The following SPTBN4 variants were observed in gnomAD, a reference collection of about 807,000 sequenced individuals.
SPTBN4 encodes the protein spectrin beta chain, non-erythrocytic 4.
A neutral mutation model predicts 277.8 loss-of-function variants in SPTBN4; 96 were observed. That is an observed-to-expected ratio of 0.35 (90% CI 0.29 to 0.41). The LOEUF is 0.41. Ranked by LOEUF, SPTBN4 falls within the 10% of genes least tolerant of loss-of-function variation. The probability of loss-of-function intolerance (pLI) is 1.00; values close to 1 mark genes in which losing one functional copy is unlikely to be tolerated. For synonymous variants in SPTBN4, 1,481 were observed against 1,580.3 expected (o/e 0.94, Z 1.49); for missense variants, 3,006 against 3,595.7 (o/e 0.84, Z 4.19).
intron 2 of SPTBN4, among the ~76,000 whole-genome samples, chr19:40,484,407 C>G (rs2080045815): frequency 6.6e-6 from 1 of 152,156 alleles, no homozygotes; most frequent in Non-Finnish European, 1.5e-5. Flanking sequence ...AAGCTGCCAA[C>G]AAATCGACTT....
At chr19:40,468,027 A>C (rs146710962) in intron 1 of SPTBN4, among the ~76,000 whole-genome samples, 1 of 152,130 alleles carries the variant, frequency 6.6e-6, no homozygotes, top group Admixed American at 6.6e-5. Flanking sequence ...TGATCCCTGC[A>C]TTAATAACTT....
intron 20 of SPTBN4, among the ~76,000 whole-genome samples, chr19:40,544,188 G>A (rs2080831686): frequency 6.8e-6 from 1 of 146,438 alleles, no homozygotes; most frequent in Non-Finnish European, 1.5e-5. Context: ...TTTTGCCAAA[G>A]CCGGAGCGCA....
chr19:40,549,832 G>T (rs1003358074), intron 21 of SPTBN4, among the ~76,000 whole-genome samples: 5 of 152,208 alleles, frequency 3.3e-5, no homozygotes, highest in African/African-American at 1.2e-4. Context: ...TGCCCCAGAG[G>T]GTTCAGAGTC....
At position 40,571,990 on chromosome 19, in the gene SPTBN4, CTGCCTTGAGCCCCA is replaced by C. The variant is rs1232323997; in HGVS notation, c.7320-27_7320-14del. ...AGTTATTAGGCAGAGTGCTGCGGCT[CTGCCTTGAGCCCCA>C]TCTTGTCGCTCCAGGTCGTGGGTGA... On this transcript the variant is annotated splice_polypyrimidine_tract_variant and intron_variant, in intron 33 of 35. Transcript: ENST00000598249. 6.6e-6 allele frequency: 10 copies of C among 1,518,744 alleles called. No homozygotes were observed. The highest frequency in any genetic ancestry group is 8.8e-6 in the Non-Finnish European group (10 of 1,132,828). 94.1% of individuals were successfully genotyped at this position (1,518,744 alleles called of 1,614,324 possible). A position where few individuals can be genotyped will look rare whatever the true frequency, so the allele number is the denominator to read the frequency against.
chr19:40,570,328 C>T (rs917738066), intron 32 of SPTBN4, 108 bp from the exon 33 acceptor site: 2 of 630,908 alleles, frequency 3.2e-6, no homozygotes, highest in Admixed American at 7.8e-5. Flanking sequence ...GCCTCCGAGA[C>T]AAATGGCCCT....
intron 20 of SPTBN4, among the ~76,000 whole-genome samples, chr19:40,535,122 C>T (rs2080720470): frequency 6.6e-6 from 1 of 152,170 alleles, no homozygotes; most frequent in Admixed American, 6.6e-5. Flanking sequence ...GTGGCTTGAT[C>T]TCAGTCCATT....
In SPTBN4 at chr19:40,472,743, CCGCAGCGGCCTCG is replaced by C; in HGVS notation, c.124_136del (p.Ala42SerfsTer26). On this transcript the variant is annotated frameshift_variant, in exon 2 of 36. Coordinates refer to ENST00000598249, the MANE Select transcript of SPTBN4 (RefSeq NM_020971.3). LOFTEE classifies it high-confidence loss of function. ...GAGCGGGAGCAGCCGGCTGCGTCCA[CCGCAGCGGCCTCG>C]CTCTTTGAGTGCTCCCGGATCAAGG... 1.9e-6 allele frequency: 3 copies of C among 1,605,162 alleles called. No homozygotes were observed. The highest frequency in any genetic ancestry group is 2.6e-6 in the Non-Finnish European group (3 of 1,175,670).
intron 2 of SPTBN4, 123 bp from the exon 3 acceptor site, chr19:40,487,574 A>G (rs2145823501): frequency 1.6e-6 from 2 of 1,275,350 alleles, no homozygotes; most frequent in East Asian, 5.3e-5. Flanking sequence ...TCGAACTCCT[A>G]CCTCAGGTGA....
chr19:40,472,896 A>T lies in SPTBN4; in HGVS notation c.169+106A>T, dbSNP rs767169219. 1.3e-5 allele frequency: 15 copies of T among 1,156,430 alleles called. No individual in the cohort carries two copies. In the Admixed American group the frequency reaches 2.8e-4, roughly 22 times the overall value. The allele number at this position is 1,156,430 out of a possible 1,614,324, so 71.6% of individuals were successfully genotyped here. On this transcript the variant is annotated intron_variant, in intron 2 of 35. Coordinates refer to ENST00000598249, the MANE Select transcript of SPTBN4 (RefSeq NM_020971.3). ...TGGGAAAAGAGACCAGCACTGTCCAATAGAACTTTCCATGATGGTGGAAAT... is the reference window on the plus strand; with the variant it reads ...TGGGAAAAGAGACCAGCACTGTCCATTAGAACTTTCCATGATGGTGGAAAT...
rs114239906 is a variant in SPTBN4 at position 40,490,656 on chromosome 19, C to T, written c.495+408C>T. Among the ~76,000 whole-genome samples, 496 of 152,150 alleles carry T rather than the reference C, an allele frequency of 3.3e-3. 1 individual carries two copies. The highest frequency in any genetic ancestry group is 0.011 in the African/African-American group (460 of 41,518). ...ATAGAGACAAATAGACAAAGGTGTGCCTTTTAGGAGCTTACATTGTGGTGA... is the reference window on the plus strand; with the variant it reads ...ATAGAGACAAATAGACAAAGGTGTGTCTTTTAGGAGCTTACATTGTGGTGA... On this transcript the variant is annotated intron_variant, in intron 4 of 35. Coordinates refer to ENST00000598249, the MANE Select transcript of SPTBN4 (RefSeq NM_020971.3). The surrounding 1 kb of genome is among the most constrained non-coding windows in gnomAD (Gnocchi z 4.3).
In SPTBN4 at chr19:40,528,994, C is replaced by T. The variant is rs765834870; in HGVS notation, c.3858-47C>T. 5.1e-5 allele frequency: 76 copies of T among 1,498,944 alleles called. No individual in the cohort carries two copies. The South Asian group carries it at 8.0e-4, about 16-fold the overall frequency. The allele number at this position is 1,498,944 out of a possible 1,614,324, so 92.9% of individuals were successfully genotyped here. A position where few individuals can be genotyped will look rare whatever the true frequency, so the allele number is the denominator to read the frequency against. ...TCACAGTCCTACTGCCAGCGCCGCA[C>T]CCCCCAACCCGGGGCCTTTCCCCAG... On this transcript the variant is annotated intron_variant, in intron 17 of 35. Transcript: ENST00000598249.
rs149520860 is a variant in SPTBN4, at chr19:40,483,553, T to A, written c.170-4144T>A. 2.7e-3 allele frequency among the ~76,000 whole-genome samples: 405 copies of A among 152,314 alleles called. 1 individual carries two copies. Among genetic ancestry groups the A allele is most frequent in the African/African-American group, 9.0e-3 (376 of 41,568 alleles). ...TTTACCTCTAGTTTGAAAACAAATATGCAAATATTAACAGTAAATGCAAAG... is the reference window on the plus strand; with the variant it reads ...TTTACCTCTAGTTTGAAAACAAATAAGCAAATATTAACAGTAAATGCAAAG... On this transcript the variant is annotated intron_variant, in intron 2 of 35. Transcript: ENST00000598249.
At position 40,515,328 on chromosome 19, in the gene SPTBN4, A is replaced by G; in HGVS notation, c.2783A>G (p.Gln928Arg). The G allele has an allele frequency of 6.2e-7, 1 of 1,612,916 alleles. No individual in the cohort carries two copies. The highest frequency in any genetic ancestry group is 8.5e-7 in the Non-Finnish European group (1 of 1,179,628). Residue 928 changes from glutamine (Q) to arginine (R), a missense_variant, in exon 15 of 36, where the codon CAA (glutamine) becomes CGA (arginine). Gln to Arg is a conservative substitution (Grantham distance 43). This residue lies in a region of SPTBN4 where 1,759 missense variants were observed against 2,061.5 expected (regional missense o/e 0.85). Coordinates refer to ENST00000598249, the MANE Select transcript of SPTBN4 (RefSeq NM_020971.3). This position sits in a 1 kb window ranked among gnomAD's most constrained non-coding sequence, Gnocchi z 4.1. ...TCCTGCAGATTCGAGAGCCTGGACC[A>G]AGAGATGAACAGCCTGATGGGCCGC... ...VVQHRFESLDQEMNSLMGRVL... is the reference protein window; with the variant it reads ...VVQHRFESLDREMNSLMGRVL...
intron 14 of SPTBN4, among the ~76,000 whole-genome samples, chr19:40,514,377 G>A (rs1427687933): frequency 6.6e-6 from 1 of 152,210 alleles, no homozygotes. Context: ...GGGCAGGTTG[G>A]AGCGGGTAAG....
In SPTBN4 at chr19:40,524,098, G is replaced by A. The variant is rs183872772; in HGVS notation, c.3857+459G>A. 2.5e-3 allele frequency among the ~76,000 whole-genome samples: 384 copies of A among 152,236 alleles called. 2 individuals carry two copies. Among genetic ancestry groups the A allele is most frequent in the African/African-American group, 8.3e-3 (344 of 41,574 alleles). ...TGAGCCACTGCACCTGGCCTTAAGT[G>A]GATATATTGTGAAAAGGTAACCTGA... On this transcript the variant is annotated intron_variant, in intron 17 of 35. Transcript: ENST00000598249.
chr19:40,492,827 C>G (rs563902899), intron 4 of SPTBN4, 136 bp from the exon 5 acceptor site: 1 of 664,148 alleles, frequency 1.5e-6, no homozygotes, highest in Admixed American at 2.2e-5. Context: ...ACTCCTGGAC[C>G]CCCACCCCCA....
chr19:40,518,483 A>T (rs1325645967), intron 15 of SPTBN4, among the ~76,000 whole-genome samples: 1 of 151,226 alleles, frequency 6.6e-6, no homozygotes, highest in East Asian at 2.0e-4. Flanking sequence ...CCCAGGCTGG[A>T]GTGCAGTGGC....
chr19:40,498,044 G>A (rs182293571), intron 7 of SPTBN4, among the ~76,000 whole-genome samples: 6 of 148,150 alleles, frequency 4.0e-5, no homozygotes, highest in Non-Finnish European at 7.4e-5. Context: ...CCACATCTTC[G>A]GCTCCAACTC....
chr19:40,567,146 C>T (rs189289342), intron 30 of SPTBN4: 1 of 454,834 alleles, frequency 2.2e-6, no homozygotes, highest in Non-Finnish European at 4.4e-6. Flanking sequence ...AAAGAAAAAA[C>T]AGCCAGGCGT....
Sources: allele counts gnomAD v4.1 joint callset (sites outside exome capture counted in the v4.1 genomes callset), GRCh38; gene constraint gnomAD v4.1.1; regional missense constraint gnomAD v4.1.1; non-coding constraint Gnocchi (gnomAD v3.1); transcripts MANE v1.5; gene names NCBI Gene and HGNC (gene_info 2026-07-23, HGNC 2026-07-21).